Variants in THSD7B observed in about 807,000 individuals in gnomAD.
THSD7B encodes the protein thrombospondin type-1 domain-containing protein 7B.
In THSD7B, 138 loss-of-function variants were observed where a neutral mutation model predicts 213.6. The ratio of observed to expected loss-of-function variants is 0.65; its 90% CI spans 0.56 to 0.74. The LOEUF (loss-of-function observed/expected upper bound fraction) is 0.74, where lower values mean the gene tolerates loss of function less well. Among genes scored for constraint, THSD7B ranks in the 30% least tolerant of loss-of-function variants. The pLI is 0.00. For synonymous variants in THSD7B, 742 were observed against 687.0 expected (o/e 1.08, Z -1.25); for missense variants, 1,931 against 1,991.5 (o/e 0.97, Z 0.58).
At chr2:137,205,190 G>A (rs1266119784) in intron 7 of THSD7B, among the ~76,000 whole-genome samples, 1 of 152,042 alleles carries the variant, frequency 6.6e-6, no homozygotes, top group Non-Finnish European at 1.5e-5. Context: ...GAGTGCCAGT[G>A]AAGGTGAAAA....
intron 2 of THSD7B, among the ~76,000 whole-genome samples, chr2:137,013,399 A>C (rs965479846): frequency 6.6e-6 from 1 of 152,144 alleles, no homozygotes; most frequent in Non-Finnish European, 1.5e-5. Flanking sequence ...GGCAAACTTC[A>C]TGAGTTGAGA....
chr2:136,949,960 G>A (rs768685197), intron 2 of THSD7B, among the ~76,000 whole-genome samples: 10 of 152,120 alleles, frequency 6.6e-5, no homozygotes. Flanking sequence ...TGATAGACTG[G>A]ATAAAGAAAA....
chr2:137,438,882 A>C (rs1687343353), intron 14 of THSD7B, among the ~76,000 whole-genome samples: 1 of 152,142 alleles, frequency 6.6e-6, no homozygotes, highest in South Asian at 2.1e-4. Context: ...ACTTGAGATG[A>C]GATCATCCTC....
At chr2:137,517,844 A>T (rs1157976426) in intron 15 of THSD7B, among the ~76,000 whole-genome samples, 1 of 152,190 alleles carries the variant, frequency 6.6e-6, no homozygotes. Context: ...TCTTCTGCAG[A>T]TAACTGCTCT....
At chr2:137,583,795 T>C (rs1681644669) in intron 17 of THSD7B, among the ~76,000 whole-genome samples, 1 of 152,242 alleles carries the variant, frequency 6.6e-6, no homozygotes. Flanking sequence ...TTTGTTCTTT[T>C]GGCTTAGATT....
At chr2:137,520,399 A>G (rs540486259) in intron 15 of THSD7B, among the ~76,000 whole-genome samples, 4 of 152,352 alleles carry the variant, frequency 2.6e-5, no homozygotes, top group South Asian at 4.1e-4. Context: ...CACTCTGTAT[A>G]TATAATGACA....
intron 20 of THSD7B, among the ~76,000 whole-genome samples, chr2:137,636,287 G>A (rs949784578): frequency 6.6e-5 from 10 of 152,088 alleles, no homozygotes; most frequent in Non-Finnish European, 1.2e-4. Flanking sequence ...CACTACAAAG[G>A]GGATACAATA....
intron 3 of THSD7B, among the ~76,000 whole-genome samples, chr2:137,087,600 G>A (rs1393176727): frequency 6.6e-6 from 1 of 152,142 alleles, no homozygotes; most frequent in Non-Finnish European, 1.5e-5. Context: ...CCAAGGAAGT[G>A]AAAGACCTCT....
intron 20 of THSD7B, among the ~76,000 whole-genome samples, chr2:137,635,479 C>G (rs1480252814): frequency 6.6e-6 from 1 of 152,074 alleles, no homozygotes; most frequent in African/African-American, 2.4e-5. Context: ...GTCCAGGATA[C>G]AGTGTTAAGG....
In THSD7B at chr2:137,172,824, AATAG is replaced by A. The variant is rs989696954; in HGVS notation, c.1723+1891_1723+1894del. Among the ~76,000 whole-genome samples, 7 of 152,268 alleles carry A rather than the reference AATAG, an allele frequency of 4.6e-5. 1 individual carries two copies. The highest frequency in any genetic ancestry group is 1.7e-4 in the African/African-American group (7 of 41,548). The stretch of plus-strand genomic sequence containing the variant: ...CCTGTGGGATCTAATGCTAACTCCA[AATAG>A]ATAGTGTTAGAGTTGAGTTAAATTG... On this transcript the variant is annotated intron_variant, in intron 7 of 27. Coordinates refer to ENST00000409968, the MANE Select transcript of THSD7B (RefSeq NM_001316349.2).
intron 1 of THSD7B, among the ~76,000 whole-genome samples, chr2:136,807,011 T>A (rs1682293768): frequency 6.6e-6 from 1 of 152,236 alleles, no homozygotes; most frequent in African/African-American, 2.4e-5. Context: ...GAAGTGCTCT[T>A]CCCAACACAA....
chr2:136,817,635 C>T (rs1347202361), intron 1 of THSD7B, among the ~76,000 whole-genome samples: 4 of 151,640 alleles, frequency 2.6e-5, no homozygotes, highest in Admixed American at 6.6e-5. Flanking sequence ...TTCCCCATTG[C>T]TTGTTTTTCT....
chr2:137,455,748 T>C (rs1423308289), intron 15 of THSD7B, among the ~76,000 whole-genome samples: 1 of 152,248 alleles, frequency 6.6e-6, no homozygotes, highest in East Asian at 1.9e-4. Context: ...GACTCTGCTT[T>C]GTATATTGAA....
At chr2:137,597,468 GTTTT>G (rs5834565) in intron 17 of THSD7B, among the ~76,000 whole-genome samples, 1 of 143,530 alleles carries the variant, frequency 7.0e-6, no homozygotes, top group African/African-American at 2.5e-5. Context: ...AAAAAAACCT[GTTTT>G]TTTTTTTTTA....
intron 1 of THSD7B, among the ~76,000 whole-genome samples, chr2:136,795,342 G>A (rs947675692): frequency 2.0e-5 from 3 of 151,810 alleles, no homozygotes; most frequent in South Asian, 2.1e-4. Context: ...GCTTCCTTAC[G>A]TTGCATCCAC....
intron 12 of THSD7B, among the ~76,000 whole-genome samples, chr2:137,366,626 TA>T (rs36050219): frequency 0.011 from 1,555 of 146,406 alleles, 29 homozygotes; most frequent in African/African-American, 0.036. Flanking sequence ...CATACAATCG[TA>T]AAAAAAAAAA....
At chr2:137,110,244 T>A (rs1272272873) in intron 4 of THSD7B, among the ~76,000 whole-genome samples, 1 of 152,216 alleles carries the variant, frequency 6.6e-6, no homozygotes, top group East Asian at 1.9e-4. Flanking sequence ...CTGCTGTGTC[T>A]CTGTTGTCCT....
At chr2:137,528,391 A>G (rs1352379161) in intron 15 of THSD7B, among the ~76,000 whole-genome samples, 1 of 152,102 alleles carries the variant, frequency 6.6e-6, no homozygotes, top group African/African-American at 2.4e-5. Flanking sequence ...ACAGATAGTA[A>G]TGACTACCTC....
intron 15 of THSD7B, among the ~76,000 whole-genome samples, chr2:137,508,891 A>G (rs576047613): frequency 6.6e-6 from 1 of 152,160 alleles, no homozygotes; most frequent in South Asian, 2.1e-4. Context: ...ACCTGGAGCT[A>G]GATGGGAACC....
Sources: gnomAD v4.1 joint callset for allele counts (sites outside exome capture counted in the v4.1 genomes callset) on GRCh38, gnomAD v4.1.1 for gene constraint, MANE v1.5 for transcripts, NCBI Gene and HGNC (gene_info 2026-07-23, HGNC 2026-07-21) for gene names.